The following TPRG1 variants were observed in gnomAD, a reference collection of about 807,000 sequenced individuals.
The protein encoded by TPRG1 is tumor protein p63-regulated gene 1 protein.
In TPRG1, 29 loss-of-function variants were observed where a neutral mutation model predicts 29.3. The observed-to-expected ratio is 0.99, with a 90% CI of 0.74 to 1.35. The LOEUF (loss-of-function observed/expected upper bound fraction) is 1.35, where lower values mean the gene tolerates loss of function less well. Ranked by LOEUF, TPRG1 falls within the 40% of genes most tolerant of loss-of-function variation. The probability of loss-of-function intolerance (pLI) is 0.00; values close to 1 mark genes in which losing one functional copy is unlikely to be tolerated. For synonymous variants in TPRG1, 130 were observed against 116.8 expected, an observed-to-expected ratio of 1.11 and a Z score of -0.73; for missense variants, 327 against 335.0, an observed-to-expected ratio of 0.98 and a Z score of 0.19.
intron 4 of TPRG1, among the ~76,000 whole-genome samples, chr3:189,287,127 A>G (rs1718189340): frequency 6.6e-6 from 1 of 152,060 alleles, no homozygotes; most frequent in Non-Finnish European, 1.5e-5. Context: ...GCATGGTTGC[A>G]AGATAGCACT....
intron 3 of TPRG1, among the ~76,000 whole-genome samples, chr3:189,226,797 C>CAAAAAAAAAAAAAA (rs1175619202): frequency 1.2e-5 from 1 of 81,758 alleles, no homozygotes; most frequent in African/African-American, 4.5e-5. Flanking sequence ...GCAAGGCTGA[C>CAAAAAAAAAAAAAA]AAAAAAAAAA....
At chr3:189,217,753 A>G in intron 3 of TPRG1, 1 of 885,090 alleles carries the variant, frequency 1.1e-6, no homozygotes, top group African/African-American at 1.8e-5. Flanking sequence ...TTCCTAGTCT[A>G]GCCACTGTTA....
intron 4 of TPRG1, among the ~76,000 whole-genome samples, chr3:189,260,333 T>G (rs1271765109): frequency 6.6e-6 from 1 of 152,192 alleles, no homozygotes; most frequent in Non-Finnish European, 1.5e-5. Flanking sequence ...GGGACCTGGG[T>G]CCTGATACAT....
intron 2 of TPRG1, chr3:189,000,942 C>G (rs1180974469): frequency 2.0e-5 from 3 of 152,080 alleles, no homozygotes; most frequent in Admixed American, 2.0e-4. Context: ...GAGATGGGGC[C>G]TTGTTTTGTT....
intron 3 of TPRG1, among the ~76,000 whole-genome samples, chr3:189,236,410 A>T (rs1432563044): frequency 2.0e-5 from 3 of 152,200 alleles, no homozygotes; most frequent in African/African-American, 7.2e-5. Flanking sequence ...AGGGAAGTTT[A>T]TGTAGATATC....
chr3:189,306,438 A>C (rs1721638560), intron 4 of TPRG1, among the ~76,000 whole-genome samples: 1 of 152,214 alleles, frequency 6.6e-6, no homozygotes, highest in Non-Finnish European at 1.5e-5. Context: ...AGGTGGAAGA[A>C]GAGGTATCAA....
chr3:189,195,686 G>T (rs1732422063), intron 1 of TPRG1, among the ~76,000 whole-genome samples: 1 of 152,210 alleles, frequency 6.6e-6, no homozygotes, highest in Non-Finnish European at 1.5e-5. Flanking sequence ...TGTGAGCACA[G>T]CTGGGGATCC....
chr3:189,276,923 A>T (rs949100347), intron 4 of TPRG1, among the ~76,000 whole-genome samples: 3 of 151,854 alleles, frequency 2.0e-5, no homozygotes, highest in African/African-American at 7.3e-5. Context: ...ATTACTGGAC[A>T]ACGTATATAT....
At chr3:189,215,520 G>A in intron 3 of TPRG1, 137 bp downstream of exon 3, 1 of 783,182 alleles carries the variant, frequency 1.3e-6, no homozygotes, top group Non-Finnish European at 2.1e-6. Context: ...TACCAGGTTA[G>A]TCACATTTTC....
chr3:189,272,274 A>C (rs1424159448), intron 4 of TPRG1, among the ~76,000 whole-genome samples: 1 of 152,208 alleles, frequency 6.6e-6, no homozygotes, highest in Admixed American at 6.5e-5. Flanking sequence ...GTTATATTAT[A>C]GTGGGCTTCA....
chr3:189,060,831 G>A (rs1258524460), intron 4 of TPRG1, among the ~76,000 whole-genome samples: 1 of 152,092 alleles, frequency 6.6e-6, no homozygotes, highest in Non-Finnish European at 1.5e-5. Context: ...CATGGTCATG[G>A]ATAGGAAGAA....
chr3:189,235,778 T>C (rs914290329), intron 3 of TPRG1, among the ~76,000 whole-genome samples: 1 of 152,158 alleles, frequency 6.6e-6, no homozygotes, highest in African/African-American at 2.4e-5. Context: ...TCAGTACCTG[T>C]GTCGAGTCCC....
At chr3:189,186,861 C>T (rs1461200274) in intron 1 of TPRG1, among the ~76,000 whole-genome samples, 2 of 152,028 alleles carry the variant, frequency 1.3e-5, no homozygotes, top group Non-Finnish European at 2.9e-5. Context: ...CGCTAGATTT[C>T]ATATATTCTG....
intron 4 of TPRG1, among the ~76,000 whole-genome samples, chr3:189,260,598 G>A (rs1356563200): frequency 1.3e-5 from 2 of 152,204 alleles, no homozygotes; most frequent in Non-Finnish European, 2.9e-5. Context: ...GCTAAGCAGG[G>A]AGGTCAGGCC....
chr3:189,125,813 T>TTTTGTG (rs1722389883), intron 1 of TPRG1, among the ~76,000 whole-genome samples: 1 of 124,060 alleles, frequency 8.1e-6, no homozygotes, highest in Non-Finnish European at 1.7e-5. Context: ...GCAGGGTGTT[T>TTTTGTG]TGTGTGTGTG....
intron 1 of TPRG1, among the ~76,000 whole-genome samples, chr3:189,177,350 A>T (rs939145516): frequency 6.6e-6 from 1 of 152,056 alleles, no homozygotes; most frequent in Non-Finnish European, 1.5e-5. Flanking sequence ...TCTGGTATTC[A>T]GTGAGGATAT....
chr3:189,025,860 C>T (rs540654003), intron 4 of TPRG1, among the ~76,000 whole-genome samples: 1 of 152,244 alleles, frequency 6.6e-6, no homozygotes, highest in South Asian at 2.1e-4. Flanking sequence ...GAACAGTGAT[C>T]CAGAAAAAGT....
rs563118073 is a variant in TPRG1, at chr3:189,209,026, G to A, written c.210+1432G>A. Among the ~76,000 whole-genome samples, 158 of 152,342 alleles carry A rather than the reference G, an allele frequency of 1.0e-3. 1 individual carries two copies. Among genetic ancestry groups the A allele is most frequent in the African/African-American group, 3.5e-3 (146 of 41,568 alleles). On this transcript the variant is annotated intron_variant, in intron 2 of 5. Transcript: ENST00000345063. ...AAAAATTGCATGGACAAACTGGAAT[G>A]TCTGGTGACAATGTTTAACTTATGA...
intron 2 of TPRG1, among the ~76,000 whole-genome samples, chr3:189,214,117 A>G (rs1209505397): frequency 6.6e-6 from 1 of 152,210 alleles, no homozygotes; most frequent in East Asian, 1.9e-4. Flanking sequence ...TATTTTCCAT[A>G]AGCGAGGCAA....
Sources: gnomAD v4.1 joint callset for allele counts (sites outside exome capture counted in the v4.1 genomes callset) on GRCh38, gnomAD v4.1.1 for gene constraint, MANE v1.5 for transcripts, NCBI Gene and HGNC (gene_info 2026-07-23, HGNC 2026-07-21) for gene names.